Variants in WHR1 observed in about 807,000 individuals in gnomAD.
WHR1 encodes the protein MHC class III HLA-RP1.
At chr6:31,972,740 G>A in the WHR1 span, 1 of 1,612,740 alleles carries the variant, frequency 6.2e-7, no homozygotes, top group Non-Finnish European at 8.5e-7. The surrounding 1 kb of genome is among the most constrained non-coding windows in gnomAD (Gnocchi z 6.3). Context: ...TGACAGGACC[G>A]TGGCCGACCG....
chr6:31,980,622 C>A, the WHR1 span: 1 of 1,584,814 alleles, frequency 6.3e-7, no homozygotes, highest in African/African-American at 1.4e-5. Context: ...CCTTATTCAC[C>A]TTTCCCCTTT....
chr6:31,972,665 C>T, the WHR1 span: 1 of 1,613,696 alleles, frequency 6.2e-7, no homozygotes, highest in East Asian at 2.2e-5. This position sits in a 1 kb window ranked among gnomAD's most constrained non-coding sequence, Gnocchi z 6.3. Flanking sequence ...GCTGTTCCCG[C>T]GAGGCCTGTT....
chr6:31,971,964 T>C, the WHR1 span: 16 of 1,580,016 alleles, frequency 1.0e-5, no homozygotes, highest in Non-Finnish European at 1.0e-5. This position sits in a 1 kb window ranked among gnomAD's most constrained non-coding sequence, Gnocchi z 4.5. Context: ...CGCAGAGCTA[T>C]GACGTCATGG....
chr6:31,972,902 C>G, the WHR1 span: 1 of 1,346,214 alleles, frequency 7.4e-7, no homozygotes, highest in Non-Finnish European at 1.0e-6. This position sits in a 1 kb window ranked among gnomAD's most constrained non-coding sequence, Gnocchi z 6.3. Flanking sequence ...CACAGAGACC[C>G]TGTTAAAAGT....
chr6:31,972,092 G>A, the WHR1 span: 23 of 1,612,682 alleles, frequency 1.4e-5, no homozygotes, highest in African/African-American at 2.3e-4. This position sits in a 1 kb window ranked among gnomAD's most constrained non-coding sequence, Gnocchi z 6.3. Flanking sequence ...GCTTCACGAA[G>A]GAGGTTGACA....
chr6:31,973,397 G>GAT, the WHR1 span: 1 of 181,886 alleles, frequency 5.5e-6, no homozygotes. Context: ...AGTTGGATAT[G>GAT]AGAGTTGGAG....
chr6:31,975,016 A>G, the WHR1 span, among the ~76,000 whole-genome samples: 1 of 152,198 alleles, frequency 6.6e-6, no homozygotes, highest in Non-Finnish European at 1.5e-5. Context: ...TAAAAGTTGC[A>G]GAATGAAAAT....
the WHR1 span, among the ~76,000 whole-genome samples, chr6:31,978,635 A>G: frequency 6.6e-6 from 1 of 152,180 alleles, no homozygotes; most frequent in Non-Finnish European, 1.5e-5. Context: ...CTGCATCTTA[A>G]TCACTATTTT....
At chr6:31,972,516 C>T in the WHR1 span, 10 of 1,603,506 alleles carry the variant, frequency 6.2e-6, no homozygotes, top group Non-Finnish European at 7.7e-6. The surrounding 1 kb of genome is among the most constrained non-coding windows in gnomAD (Gnocchi z 6.3). Flanking sequence ...AGCCAGGTAA[C>T]CATGGCAACC....
the WHR1 span, chr6:31,971,997 A>T: frequency 6.2e-7 from 1 of 1,601,694 alleles, no homozygotes; most frequent in Non-Finnish European, 8.5e-7. This position sits in a 1 kb window ranked among gnomAD's most constrained non-coding sequence, Gnocchi z 4.5. Flanking sequence ...AGGCCGAAGG[A>T]TGCAAAAGTG....
At chr6:31,975,290 C>T in the WHR1 span, among the ~76,000 whole-genome samples, 1 of 151,556 alleles carries the variant, frequency 6.6e-6, no homozygotes, top group East Asian at 1.9e-4. Context: ...CAACCTCTGC[C>T]TCCTGGGTTC....
chr6:31,976,220 C>T, the WHR1 span, among the ~76,000 whole-genome samples: 1 of 150,540 alleles, frequency 6.6e-6, no homozygotes, highest in South Asian at 2.1e-4. Flanking sequence ...TGGGCAGGGG[C>T]GCCCCTCACC....
the WHR1 span, among the ~76,000 whole-genome samples, chr6:31,979,197 G>C: frequency 0.038 from 4,977 of 131,236 alleles, 150 homozygotes; most frequent in East Asian, 0.092. Flanking sequence ...GGGTAAAGAG[G>C]GGGGGAGAGG....
the WHR1 span, chr6:31,972,253 G>T: frequency 1.2e-6 from 2 of 1,613,126 alleles, no homozygotes; most frequent in Non-Finnish European, 1.7e-6. The surrounding 1 kb of genome is among the most constrained non-coding windows in gnomAD (Gnocchi z 6.3). Context: ...AGCACTGACG[G>T]GCCTGAGGGA....
At chr6:31,971,324 C>T in the WHR1 span, 2 of 1,540,888 alleles carry the variant, frequency 1.3e-6, no homozygotes, top group East Asian at 4.5e-5. The surrounding 1 kb of genome is among the most constrained non-coding windows in gnomAD (Gnocchi z 4.5). Flanking sequence ...GCTCACCCCT[C>T]CAACCGGCCT....
chr6:31,971,427 G>A, the WHR1 span: 11 of 1,610,632 alleles, frequency 6.8e-6, no homozygotes, highest in East Asian at 1.1e-4. The surrounding 1 kb of genome is among the most constrained non-coding windows in gnomAD (Gnocchi z 4.5). Context: ...CGTCTCTGAG[G>A]TCAAAGTTGG....
the WHR1 span, among the ~76,000 whole-genome samples, chr6:31,976,582 T>C: frequency 6.6e-6 from 1 of 150,420 alleles, no homozygotes; most frequent in African/African-American, 2.5e-5. Context: ...GCAGAGGGGC[T>C]CCTCACATCC....
the WHR1 span, among the ~76,000 whole-genome samples, chr6:31,974,914 T>C: frequency 6.6e-6 from 1 of 152,246 alleles, no homozygotes; most frequent in East Asian, 1.9e-4. Context: ...TGACTAGGTC[T>C]CCCGTGAGGA....
the WHR1 span, among the ~76,000 whole-genome samples, chr6:31,975,986 G>T: frequency 6.6e-6 from 1 of 150,412 alleles, no homozygotes; most frequent in Non-Finnish European, 1.5e-5. Flanking sequence ...GGGGCGGCCG[G>T]GCAGAGGCGC....
Sources: gnomAD v4.1 joint callset for allele counts (sites outside exome capture counted in the v4.1 genomes callset) on GRCh38, gnomAD v4.1.1 for gene constraint, Gnocchi (gnomAD v3.1) non-coding constraint, MANE v1.5 for transcripts, NCBI Gene and HGNC (gene_info 2026-07-23, HGNC 2026-07-21) for gene names.